PLEKHA5: variants seen among roughly 807,000 people sequenced by gnomAD.
PLEKHA5 encodes the protein pleckstrin homology domain containing A5, also known as pleckstrin homology domain-containing family A member 5.
Under a neutral mutation model 181.9 loss-of-function variants are expected in PLEKHA5, and 55 were observed. The ratio of observed to expected loss-of-function variants is 0.30; its 90% CI spans 0.24 to 0.38. The LOEUF (loss-of-function observed/expected upper bound fraction) is 0.38, where lower values mean the gene tolerates loss of function less well. Among genes scored for constraint, PLEKHA5 ranks in the 10% least tolerant of loss-of-function variants. PLEKHA5 has a pLI of 1.00. For missense variants in PLEKHA5, 1,432 were observed against 1,549.5 expected (o/e 0.92, Z 1.27); for synonymous variants, 535 against 529.4 (o/e 1.01, Z -0.15).
chr12:19,260,760 T>C (rs1347342724), intron 6 of PLEKHA5, among the ~76,000 whole-genome samples, 189 bp from the exon 7 acceptor site: 1 of 152,096 alleles, frequency 6.6e-6, no homozygotes, highest in Non-Finnish European at 1.5e-5. Flanking sequence ...CTCTGGAGGC[T>C]GAGACAGGAG....
chr12:19,298,982 GTC>G (rs1006506780), intron 15 of PLEKHA5, among the ~76,000 whole-genome samples: 14 of 152,234 alleles, frequency 9.2e-5, no homozygotes, highest in African/African-American at 2.4e-4. Flanking sequence ...CCTGACACCA[GTC>G]TCTCACAGTC....
At chr12:19,259,897 T>G (rs2067949862) in intron 6 of PLEKHA5, among the ~76,000 whole-genome samples, 1 of 151,996 alleles carries the variant, frequency 6.6e-6, no homozygotes, top group Admixed American at 6.6e-5. Flanking sequence ...CTGAAGTCAT[T>G]ACTCACAGCT....
chr12:19,270,265 GT>G, intron 10 of PLEKHA5, 60 bp downstream of exon 10: 1 of 911,682 alleles, frequency 1.1e-6, no homozygotes, highest in Non-Finnish European at 1.6e-6. Context: ...TTGAGATAGT[GT>G]TTTTAAGATT....
At chr12:19,360,935 T>C (rs1177292826) in intron 28 of PLEKHA5, among the ~76,000 whole-genome samples, 1 of 152,046 alleles carries the variant, frequency 6.6e-6, no homozygotes, top group Non-Finnish European at 1.5e-5. Context: ...TTTTGTGTTA[T>C]TAGTAGAGAC....
chr12:19,301,497 T>TA (rs35235110), intron 15 of PLEKHA5, among the ~76,000 whole-genome samples: 22,894 of 150,052 alleles, frequency 0.15, 1,967 homozygotes, highest in Middle Eastern at 0.28. Flanking sequence ...GCTACTGAAG[T>TA]AAAAAAAAAA....
intron 3 of PLEKHA5, among the ~76,000 whole-genome samples, chr12:19,149,046 T>C (rs2039675865): frequency 6.6e-6 from 1 of 152,194 alleles, no homozygotes. Context: ...ACACTTCCTT[T>C]CTGACCTGCT....
At chr12:19,284,094 A>T (rs1257492706) in intron 12 of PLEKHA5, among the ~76,000 whole-genome samples, 1 of 152,072 alleles carries the variant, frequency 6.6e-6, no homozygotes, top group East Asian at 1.9e-4. Context: ...TTTGAGATGG[A>T]GTCTCTCTCT....
chr12:19,263,511 C>T (rs1385181285), intron 7 of PLEKHA5, among the ~76,000 whole-genome samples: 1 of 152,160 alleles, frequency 6.6e-6, no homozygotes, highest in African/African-American at 2.4e-5. Flanking sequence ...AGCATCTAGT[C>T]TACTGACATA....
rs763407361 is a variant in PLEKHA5, at chr12:19,283,566, A to C, written c.1600A>C (p.Lys534Gln). The C allele has an allele frequency of 6.2e-7, 1 of 1,614,144 alleles. No individual in the cohort carries two copies. Among genetic ancestry groups the C allele is most frequent in the Non-Finnish European group, 8.5e-7 (1 of 1,179,996 alleles). The change falls in exon 12 of 32, where the codon AAA becomes CAA. Residue 534 changes from lysine to glutamine, a missense_variant. Around this residue, in one of 2 missense-constraint regions of PLEKHA5, gnomAD observed 1,143 missense variants for 1,168.4 expected, o/e 0.98. Coordinates refer to ENST00000429027, the MANE Select transcript of PLEKHA5 (RefSeq NM_001256470.2). ...TCGACACAGTACTTTGAGTAGTCCC[A>C]AAACCATGGTAAATATTTCTGACCA... ...LPRHSTLSSP[K>Q]TMVNISDQTM...
At chr12:19,317,368 T>C (rs1161076937) in intron 16 of PLEKHA5, among the ~76,000 whole-genome samples, 1 of 152,026 alleles carries the variant, frequency 6.6e-6, no homozygotes, top group East Asian at 1.9e-4. Flanking sequence ...TTTTTTTTTT[T>C]TTTAAGCATT....
intron 3 of PLEKHA5, among the ~76,000 whole-genome samples, chr12:19,251,748 A>G (rs2065374545): frequency 6.7e-6 from 1 of 149,780 alleles, no homozygotes; most frequent in Non-Finnish European, 1.5e-5. Context: ...CCAAAAAAAA[A>G]AAAAAAAAAA....
intron 15 of PLEKHA5, among the ~76,000 whole-genome samples, chr12:19,307,991 G>A (rs993276046): frequency 3.3e-5 from 5 of 151,828 alleles, no homozygotes; most frequent in African/African-American, 7.3e-5. Context: ...GCAAGAAGAA[G>A]AGTAAAGATA....
chr12:19,180,189 AG>A (rs1565432885), intron 3 of PLEKHA5, among the ~76,000 whole-genome samples: 1 of 152,192 alleles, frequency 6.6e-6, no homozygotes, highest in East Asian at 1.9e-4. Flanking sequence ...GTCAGCTTAG[AG>A]GTTTATTGTG....
Position 19,297,539 on chromosome 12 carries a change from G to A in PLEKHA5, c.2037+5842G>A, listed in dbSNP as rs528890037. Among the ~76,000 whole-genome samples, 35 of 149,824 alleles carry A rather than the reference G, an allele frequency of 2.3e-4. No individual in the cohort carries two copies. In the East Asian group the frequency reaches 2.6e-3, roughly 11 times the overall value. On this transcript the variant is annotated intron_variant, in intron 15 of 31. Coordinates refer to ENST00000429027, the MANE Select transcript of PLEKHA5 (RefSeq NM_001256470.2). Reference sequence around the variant, plus strand: ...GGGGAGGCTGAGGCAGGAGAATGGCGTGAACCCGGGAAGCGGAGCTTGCAG... The same window carrying A: ...GGGGAGGCTGAGGCAGGAGAATGGCATGAACCCGGGAAGCGGAGCTTGCAG...
chr12:19,283,627 G>A lies in PLEKHA5; in HGVS notation c.1661G>A (p.Gly554Glu). The change falls in exon 12 of 32, where the codon GGG becomes GAG. Residue 554 changes from glycine (G) to glutamate (E), a missense_variant. Gly to Glu is a moderately conservative substitution (Grantham distance 98). This residue lies in a region of PLEKHA5 where 1,143 missense variants were observed against 1,168.4 expected (regional missense o/e 0.98). Transcript: ENST00000429027. ...TCTATTCCCACATCACCTTCCCACGGGTCAATAGCTGCTTATCAGGGATAC... is the reference window on the plus strand; with the variant it reads ...TCTATTCCCACATCACCTTCCCACGAGTCAATAGCTGCTTATCAGGGATAC... ...MHSIPTSPSHGSIAAYQGYSP... is the reference protein window; with the variant it reads ...MHSIPTSPSHESIAAYQGYSP... 3 of 1,613,958 alleles carry A rather than the reference G, an allele frequency of 1.9e-6. No individual in the cohort carries two copies. Among genetic ancestry groups the A allele is most frequent in the Non-Finnish European group, 2.5e-6 (3 of 1,179,950 alleles).
chr12:19,355,764 T>G (rs2094893083), intron 26 of PLEKHA5, among the ~76,000 whole-genome samples: 1 of 152,138 alleles, frequency 6.6e-6, no homozygotes, highest in Non-Finnish European at 1.5e-5. Flanking sequence ...ATACTATTGT[T>G]TGTTCAGAGT....
At chr12:19,265,054 A>G in intron 7 of PLEKHA5, among the ~76,000 whole-genome samples, 1 of 152,220 alleles carries the variant, frequency 6.6e-6, no homozygotes, top group Admixed American at 6.5e-5. Flanking sequence ...ATTTAGTCAC[A>G]CTATTGTATA....
At chr12:19,193,440 A>G (rs997142351) in intron 3 of PLEKHA5, among the ~76,000 whole-genome samples, 6 of 152,190 alleles carry the variant, frequency 3.9e-5, no homozygotes, top group Non-Finnish European at 8.8e-5. Flanking sequence ...CTTCAAATGG[A>G]AAGTTAGATA....
chr12:19,334,983 GAA>G (rs35656695), intron 20 of PLEKHA5, among the ~76,000 whole-genome samples: 5,958 of 49,970 alleles, frequency 0.12, 451 homozygotes, highest in Admixed American at 0.21. Context: ...TTTTTTTTAT[GAA>G]AAAAAAAAAA....
Sources: allele counts gnomAD v4.1 joint callset (sites outside exome capture counted in the v4.1 genomes callset), GRCh38; gene constraint gnomAD v4.1.1; regional missense constraint gnomAD v4.1.1; transcripts MANE v1.5; gene names NCBI Gene and HGNC (gene_info 2026-07-23, HGNC 2026-07-21).